The following TUSC3 variants were observed in gnomAD, a reference collection of about 807,000 sequenced individuals.
TUSC3 encodes the protein dolichyl-diphosphooligosaccharide--protein glycosyltransferase subunit TUSC3.
TUSC3 carries 45 observed loss-of-function variants against 44.8 expected under a neutral mutation model. The ratio of observed to expected loss-of-function variants is 1.00; its 90% CI spans 0.79 to 1.29. TUSC3 has a LOEUF of 1.29. Ranked by LOEUF, TUSC3 falls within the 50% of genes most tolerant of loss-of-function variation. The probability of loss-of-function intolerance (pLI) is 0.00; values close to 1 mark genes in which losing one functional copy is unlikely to be tolerated. For missense variants in TUSC3, 519 were observed against 437.9 expected, an observed-to-expected ratio of 1.19 and a Z score of -1.65; for synonymous variants, 212 against 152.9, an observed-to-expected ratio of 1.39 and a Z score of -2.85.
the TUSC3 span, among the ~76,000 whole-genome samples, chr8:15,849,725 T>A: frequency 2.6e-5 from 4 of 152,076 alleles, no homozygotes. Context: ...ACCAGGGTAG[T>A]GCCTATCAAC....
chr8:15,617,836 A>G (rs1362396172), intron 1 of TUSC3, among the ~76,000 whole-genome samples: 2 of 152,164 alleles, frequency 1.3e-5, no homozygotes. Context: ...GTAAGGCAGA[A>G]ACCATTTTTG....
chr8:15,613,039 T>G (rs867309064), intron 1 of TUSC3, among the ~76,000 whole-genome samples: 1 of 147,306 alleles, frequency 6.8e-6, no homozygotes, highest in African/African-American at 2.5e-5. Context: ...CCATCGCATA[T>G]CAATATAAGC....
At chr8:15,609,874 CTT>C (rs1023439464) in intron 1 of TUSC3, among the ~76,000 whole-genome samples, 2 of 152,044 alleles carry the variant, frequency 1.3e-5, no homozygotes, top group African/African-American at 2.4e-5. Flanking sequence ...TAAACATACA[CTT>C]TTGTGATACT....
At chr8:15,568,148 C>G (rs925829804) in intron 1 of TUSC3, among the ~76,000 whole-genome samples, 4 of 152,098 alleles carry the variant, frequency 2.6e-5, no homozygotes, top group African/African-American at 9.7e-5. Context: ...TTACCTTGCT[C>G]ATTGGCCTGT....
At position 15,657,426 on chromosome 8, in the gene TUSC3, A is replaced by C. The variant is rs377268103; in HGVS notation, c.427-2081A>C. ...TGCATTCTATAAAGTCCTAGGACAC[A>C]GACACACTTCAGCTAAGTTCTTTGC... On this transcript the variant is annotated intron_variant, in intron 3 of 10. Coordinates refer to ENST00000503731, the MANE Select transcript of TUSC3 (RefSeq NM_006765.4). Among the ~76,000 whole-genome samples the C allele has an allele frequency of 7.9e-5, 12 of 152,208 alleles. No homozygotes were observed. The East Asian group carries it at 2.3e-3, about 29-fold the overall frequency.
chr8:15,526,086 G>A (rs1283455588), intron 2 of TUSC3, among the ~76,000 whole-genome samples: 2 of 151,912 alleles, frequency 1.3e-5, no homozygotes, highest in Non-Finnish European at 2.9e-5. Context: ...AGGCTGGAGT[G>A]CAGTGGCACC....
chr8:15,684,768 C>A (rs1251630882), intron 6 of TUSC3, among the ~76,000 whole-genome samples: 1 of 152,126 alleles, frequency 6.6e-6, no homozygotes, highest in Non-Finnish European at 1.5e-5. Context: ...TGGTCAAGTC[C>A]TGGGGAGTTG....
Position 15,534,374 on chromosome 8 carries a change from T to C in TUSC3, n.189+50891T>C, listed in dbSNP as rs577377229. 3.3e-4 allele frequency among the ~76,000 whole-genome samples: 50 copies of C among 152,088 alleles called. 1 individual carries two copies. Among genetic ancestry groups the C allele is most frequent in the Non-Finnish European group, 4.6e-4 (31 of 68,032 alleles). Reference sequence around the variant, plus strand: ...AAAACTTTAGCCGGGCTGGGCGCGGTGACGCACACCTGTAATCCCAGCACT... The same window carrying C: ...AAAACTTTAGCCGGGCTGGGCGCGGCGACGCACACCTGTAATCCCAGCACT... On this transcript the variant is annotated intron_variant and non_coding_transcript_variant, in intron 2 of 5. Transcript: ENST00000503191.
chr8:15,723,930 A>G (rs1249748370), intron 6 of TUSC3, among the ~76,000 whole-genome samples: 3 of 152,144 alleles, frequency 2.0e-5, no homozygotes, highest in Non-Finnish European at 4.4e-5. Context: ...ACTTAGAATT[A>G]CTGAGAGGTA....
chr8:15,569,196 C>T (rs946106584), intron 1 of TUSC3, among the ~76,000 whole-genome samples: 6 of 152,118 alleles, frequency 3.9e-5, no homozygotes, highest in African/African-American at 1.4e-4. Context: ...TCTGCTTCTG[C>T]ATTTGGCATA....
downstream of TUSC3, among the ~76,000 whole-genome samples, chr8:15,767,038 A>G (rs975478847): frequency 2.6e-5 from 4 of 152,102 alleles, no homozygotes; most frequent in Non-Finnish European, 4.4e-5. Flanking sequence ...TACTCCAGCA[A>G]TATGCTATAT....
chr8:15,423,419 T>C (rs1182710055), intron 1 of TUSC3, among the ~76,000 whole-genome samples: 1 of 152,214 alleles, frequency 6.6e-6, no homozygotes, highest in African/African-American at 2.4e-5. Flanking sequence ...TTCTACCTAG[T>C]GCGTTCCATA....
the TUSC3 span, among the ~76,000 whole-genome samples, chr8:15,822,789 C>G: frequency 6.6e-6 from 1 of 152,076 alleles, no homozygotes; most frequent in Admixed American, 6.6e-5. Flanking sequence ...GCTGATAGGT[C>G]AAGTGATAAA....
At chr8:15,681,464 G>T (rs1289117288) in intron 6 of TUSC3, among the ~76,000 whole-genome samples, 3 of 151,514 alleles carry the variant, frequency 2.0e-5, no homozygotes, top group Admixed American at 6.6e-5. Flanking sequence ...GTGCAACAAG[G>T]TATTAATATA....
chr8:15,743,065 G>A (rs1298225877), intron 7 of TUSC3, among the ~76,000 whole-genome samples: 1 of 152,120 alleles, frequency 6.6e-6, no homozygotes, highest in African/African-American at 2.4e-5. Flanking sequence ...TATAACCCCA[G>A]ATTTTCAAGT....
chr8:15,551,663 A>G (rs1301088616), intron 1 of TUSC3, among the ~76,000 whole-genome samples: 1 of 151,808 alleles, frequency 6.6e-6, no homozygotes, highest in Non-Finnish European at 1.5e-5. Flanking sequence ...GTTATATACC[A>G]CAGTAACTCA....
At chr8:15,540,661 T>G in intron 1 of TUSC3, 93 bp downstream of exon 1, 1 of 1,417,866 alleles carries the variant, frequency 7.1e-7, no homozygotes, top group Non-Finnish European at 9.3e-7. Context: ...CTAGGCAGCC[T>G]GGTCGCCGGC....
At chr8:15,646,543 A>T (rs1239429916) in intron 2 of TUSC3, among the ~76,000 whole-genome samples, 1 of 151,974 alleles carries the variant, frequency 6.6e-6, no homozygotes, top group African/African-American at 2.4e-5. Flanking sequence ...TTTATTTTTT[A>T]ATTTTTTTAA....
intron 6 of TUSC3, among the ~76,000 whole-genome samples, chr8:15,680,786 A>C (rs145611949): frequency 6.6e-5 from 10 of 152,152 alleles, no homozygotes; most frequent in African/African-American, 2.4e-4. Flanking sequence ...GAGGATTTTT[A>C]TCATGAACAG....
Sources: gnomAD v4.1 joint callset for allele counts (sites outside exome capture counted in the v4.1 genomes callset) on GRCh38, gnomAD v4.1.1 for gene constraint, MANE v1.5 for transcripts, NCBI Gene and HGNC (gene_info 2026-07-23, HGNC 2026-07-21) for gene names.